LRRC27: variants seen among roughly 807,000 people sequenced by gnomAD.
LRRC27 encodes the protein leucine rich repeat containing 27.
In LRRC27, 57 loss-of-function variants were observed where a neutral mutation model predicts 55.0. The observed-to-expected ratio is 1.04, with a 90% CI of 0.84 to 1.29. The LOEUF (loss-of-function observed/expected upper bound fraction) is 1.29. Among genes scored for constraint, LRRC27 ranks in the 50% most tolerant of loss-of-function variants. The probability of loss-of-function intolerance (pLI) is 0.00; values close to 1 mark genes in which losing one functional copy is unlikely to be tolerated. For synonymous variants in LRRC27, 278 were observed against 251.9 expected (o/e 1.10, Z -0.98); for missense variants, 721 against 651.5 (o/e 1.11, Z -1.16).
At position 132,364,398 on chromosome 10, in the gene LRRC27, CATCT is replaced by C. The variant is rs1178713802; in HGVS notation, c.1290-1024_1290-1021del. ...CCACCCACACTTACACCCACCCTTA[CATCT>C]ACCTCCACACCCGCGCTTACACCCA... is the stretch of plus-strand genomic sequence containing the variant. On this transcript the variant is annotated intron_variant, in intron 9 of 10. Transcript: ENST00000368614. Among the ~76,000 whole-genome samples, 126 of 150,280 alleles carry C rather than the reference CATCT, an allele frequency of 8.4e-4. 5 individuals are homozygous for C. Among genetic ancestry groups the C allele is most frequent in the East Asian group, 3.3e-3 (17 of 5,158 alleles).
chr10:132,333,026 T>G (rs1271123466), intron 1 of LRRC27, among the ~76,000 whole-genome samples: 1 of 152,154 alleles, frequency 6.6e-6, no homozygotes, highest in Non-Finnish European at 1.5e-5. Flanking sequence ...GGTCACTGGG[T>G]CAAAATGGTA....
chr10:132,377,001 CT>C lies in LRRC27; in HGVS notation c.*1761del, dbSNP rs1427050760. On this transcript the variant is annotated 3_prime_UTR_variant, in exon 11 of 11. Transcript: ENST00000368614. Reference sequence around the variant, plus strand: ...TGTTTTATCTTCCTGTCGAACTGACCTTGTCATTATTATGAACTATTTCTCT... The same window carrying C: ...TGTTTTATCTTCCTGTCGAACTGACCTGTCATTATTATGAACTATTTCTCT... 3.3e-5 allele frequency: 5 copies of C among 152,214 alleles called. No homozygotes were observed. Among genetic ancestry groups the C allele is most frequent in the African/African-American group, 1.2e-4 (5 of 41,450 alleles). The allele number at this position is 152,214 out of a possible 1,614,324, so 9.4% of individuals were successfully genotyped here. A position where few individuals can be genotyped will look rare whatever the true frequency, so the allele number is the denominator to read the frequency against.
intron 2 of LRRC27, 107 bp from the exon 3 acceptor site, chr10:132,337,458 T>C (rs2067190774): frequency 2.7e-6 from 4 of 1,505,482 alleles, no homozygotes; most frequent in Non-Finnish European, 3.5e-6. Context: ...ACTTAGTATA[T>C]ACGGTTCTGG....
At position 132,351,703 on chromosome 10, in the gene LRRC27, G is replaced by A. The variant is rs116334006; in HGVS notation, c.1023G>A (p.Ala341=). ...RAKRLEESRA[A]ALRELQEKQA... Reference sequence around the variant, plus strand: ...AAAGACTGGAAGAGAGCCGAGCGGCGGCGCTCCGAGAGCTCCAGGAGAAGC... The same window carrying A: ...AAAGACTGGAAGAGAGCCGAGCGGCAGCGCTCCGAGAGCTCCAGGAGAAGC... Residue 341 remains alanine (A), a synonymous_variant, in exon 7 of 11, where the codon GCG becomes GCA. Coordinates refer to ENST00000368614, the MANE Select transcript of LRRC27 (RefSeq NM_030626.3). 3.3e-5 allele frequency: 54 copies of A among 1,613,790 alleles called. No individual in the cohort carries two copies. The highest frequency in any genetic ancestry group is 4.1e-5 in the Non-Finnish European group (48 of 1,179,974).
chr10:132,338,629 C>T (rs967421982), intron 3 of LRRC27, among the ~76,000 whole-genome samples: 6 of 152,260 alleles, frequency 3.9e-5, no homozygotes, highest in African/African-American at 1.4e-4. Flanking sequence ...CTCTCTGCTT[C>T]TGTGCCCACA....
chr10:132,355,482 G>A (rs1004931324), intron 7 of LRRC27, among the ~76,000 whole-genome samples: 1 of 152,198 alleles, frequency 6.6e-6, no homozygotes, highest in African/African-American at 2.4e-5. Flanking sequence ...GCCCCAGCTG[G>A]TGCCCTTACC....
chr10:132,348,145 G>A lies in LRRC27; in HGVS notation c.715G>A (p.Asp239Asn). 1 of 1,614,114 alleles carries A rather than the reference G, an allele frequency of 6.2e-7. No individual in the cohort carries two copies. Among genetic ancestry groups the A allele is most frequent in the Non-Finnish European group, 8.5e-7 (1 of 1,180,030 alleles). ...ASFLPPVEKP[D>N]LSELRKSADS... ...CTTTCTCCCACCTGTGGAAAAGCCAGACCTGAGTGAACTCAGGAAGTCTGC... is the reference window on the plus strand; with the variant it reads ...CTTTCTCCCACCTGTGGAAAAGCCAAACCTGAGTGAACTCAGGAAGTCTGC... Residue 239 changes from aspartate (D) to asparagine (N), a missense_variant, in exon 6 of 11, where the codon GAC (aspartate) becomes AAC (asparagine). Physicochemically the swap from Asp to Asn is conservative, Grantham distance 23. Coordinates refer to ENST00000368614, the MANE Select transcript of LRRC27 (RefSeq NM_030626.3). This position sits in a 1 kb window ranked among gnomAD's most constrained non-coding sequence, Gnocchi z 4.2.
intron 8 of LRRC27, 97 bp downstream of exon 8, chr10:132,355,983 T>G: frequency 1.2e-6 from 1 of 817,570 alleles, no homozygotes; most frequent in Non-Finnish European, 2.0e-6. Flanking sequence ...AGCCGAGACC[T>G]GGGGGTGTGG....
rs967066640 is a variant in LRRC27 at position 132,348,311 on chromosome 10, C to T, written c.881C>T (p.Ala294Val). 2 of 1,613,836 alleles carry T rather than the reference C, an allele frequency of 1.2e-6. No individual in the cohort carries two copies. Among genetic ancestry groups the T allele is most frequent in the Admixed American group, 1.7e-5 (1 of 60,016 alleles). Residue 294 changes from alanine (A) to valine (V), a missense_variant, in exon 6 of 11, where the codon GCC becomes GTC. Coordinates refer to ENST00000368614, the MANE Select transcript of LRRC27 (RefSeq NM_030626.3). The surrounding 1 kb of genome is among the most constrained non-coding windows in gnomAD (Gnocchi z 4.2). ...TRELPPNLKA[A>V]LNIEKELPKP... ...GAATTACCTCCAAATCTCAAGGCGG[C>T]CTTGAACATTGAGAAAGAACTACCA...
chr10:132,331,759 G>A (rs2066759330), upstream of LRRC27: 4 of 1,610,618 alleles, frequency 2.5e-6, no homozygotes, highest in Admixed American at 3.3e-5. Context: ...CTTCCCCTCT[G>A]TGCCAGGCCG....
Position 132,336,673 on chromosome 10 carries a change from C to T in LRRC27, c.211-892C>T, listed in dbSNP as rs894120478. On this transcript the variant is annotated intron_variant, in intron 2 of 10. Transcript: ENST00000368614. ...CGTCTCACAGATGAGGACACTGGAG[C>T]ACAGAGAGGTTCAGGAACTTGCTCA... 4.4e-6 allele frequency: 3 copies of T among 683,930 alleles called. No individual in the cohort carries two copies. The African/African-American group carries it at 5.4e-5, about 12-fold the overall frequency. The allele number at this position is 683,930 out of a possible 1,614,324, so 42.4% of individuals were successfully genotyped here. A position where few individuals can be genotyped will look rare whatever the true frequency, so the allele number is the denominator to read the frequency against.
intron 3 of LRRC27, among the ~76,000 whole-genome samples, chr10:132,341,303 GGAGGTTGCAGTGAGCA>G (rs1378944516): frequency 7.3e-5 from 11 of 151,514 alleles, no homozygotes; most frequent in Non-Finnish European, 1.5e-4. Flanking sequence ...CCCAGGAGGC[GGAGGTTGCAGTGAGCA>G]GAGGTTGCAG....
At chr10:132,361,614 C>A in intron 9 of LRRC27, 39 bp downstream of exon 9, 1 of 1,427,530 alleles carries the variant, frequency 7.0e-7, no homozygotes, top group South Asian at 1.1e-5. Flanking sequence ...TTCCAGGGCT[C>A]AGCCAGCCAC....
rs779339505 is a variant in LRRC27 at position 132,380,457 on chromosome 10, C to G, written c.*5215C>G. On this transcript the variant is annotated 3_prime_UTR_variant, in exon 11 of 11. Coordinates refer to ENST00000368614, the MANE Select transcript of LRRC27 (RefSeq NM_030626.3). ...ACATCGTGTGGTGCTAATCTCTGCACGAGCGGTTCATGTCTTCAGTACATT... is the reference window on the plus strand; with the variant it reads ...ACATCGTGTGGTGCTAATCTCTGCAGGAGCGGTTCATGTCTTCAGTACATT... Among the ~76,000 whole-genome samples the G allele has an allele frequency of 6.6e-6, 1 of 152,122 alleles. No homozygotes were observed. Among genetic ancestry groups the G allele is most frequent in the African/African-American group, 2.4e-5 (1 of 41,418 alleles).
At position 132,377,066 on chromosome 10, in the gene LRRC27, GTCTGATACTAA is replaced by G. The variant is rs2069347085; in HGVS notation, c.*1827_*1837del. 6.6e-6 allele frequency: 1 copy of G among 152,164 alleles called. No homozygotes were observed. Among genetic ancestry groups the G allele is most frequent in the Non-Finnish European group, 1.5e-5 (1 of 68,042 alleles). 9.4% of individuals were successfully genotyped at this position (152,164 alleles called of 1,614,324 possible). On this transcript the variant is annotated 3_prime_UTR_variant, in exon 11 of 11. Transcript: ENST00000368614. ...TCACTTCTTGCCTTCTGTGGATTTT[GTCTGATACTAA>G]TCCAGGCACACTGCTGCTGTTTTGG...
At chr10:132,337,747 T>G in intron 3 of LRRC27, 52 bp downstream of exon 3, 1 of 1,589,302 alleles carries the variant, frequency 6.3e-7, no homozygotes, top group Non-Finnish European at 8.6e-7. Flanking sequence ...AGTGCACGAG[T>G]GCCTGTTCTT....
chr10:132,348,911 C>G lies in LRRC27; in HGVS notation c.926+555C>G. 8 of 1,386,232 alleles carry G rather than the reference C, an allele frequency of 5.8e-6. No homozygotes were observed. Among genetic ancestry groups the G allele is most frequent in the South Asian group, 1.2e-5 (1 of 80,890 alleles). The allele number at this position is 1,386,232 out of a possible 1,614,324, so 85.9% of individuals were successfully genotyped here. On this transcript the variant is annotated intron_variant, in intron 6 of 10. Coordinates refer to ENST00000368614, the MANE Select transcript of LRRC27 (RefSeq NM_030626.3). The surrounding 1 kb of genome is among the most constrained non-coding windows in gnomAD (Gnocchi z 4.2). ...GCCCACTTCCAAAGCTTGCCTTTGC[C>G]TTTGGTACAGTGAGTTTGGGGGCCG...
At position 132,380,357 on chromosome 10, in the gene LRRC27, T is replaced by C. The variant is rs1226126268; in HGVS notation, c.*5115T>C. ...ATGAAATTAACTGCAGTCCACAGTG[T>C]GCTGCTGGAATAATTACAAAGCCAC... On this transcript the variant is annotated 3_prime_UTR_variant, in exon 11 of 11. Coordinates refer to ENST00000368614, the MANE Select transcript of LRRC27 (RefSeq NM_030626.3). 2.6e-5 allele frequency among the ~76,000 whole-genome samples: 4 copies of C among 151,722 alleles called. No homozygotes were observed. The highest frequency in any genetic ancestry group is 2.0e-4 in the Admixed American group (3 of 15,248).
In LRRC27 at chr10:132,344,370, C is replaced by T. The variant is rs1172026103; in HGVS notation, c.401-128C>T. ...AAAGCAAATCTTTGACATCTGTTAA[C>T]GTGATTTTCCCCCAAATACTGAATA... On this transcript the variant is annotated intron_variant, in intron 4 of 10. Coordinates refer to ENST00000368614, the MANE Select transcript of LRRC27 (RefSeq NM_030626.3). The T allele has an allele frequency of 6.0e-6, 6 of 994,740 alleles. No individual in the cohort carries two copies. The East Asian group carries it at 8.0e-5, about 13-fold the overall frequency. 61.6% of individuals were successfully genotyped at this position (994,740 alleles called of 1,614,324 possible).
Sources: allele counts gnomAD v4.1 joint callset (sites outside exome capture counted in the v4.1 genomes callset), GRCh38; gene constraint gnomAD v4.1.1; non-coding constraint Gnocchi (gnomAD v3.1); transcripts MANE v1.5; gene names NCBI Gene and HGNC (gene_info 2026-07-23, HGNC 2026-07-21).